Variants in ZNF541 observed in about 807,000 individuals in gnomAD.
The protein encoded by ZNF541 is zinc finger protein 541.
Under a neutral mutation model 123.5 loss-of-function variants are expected in ZNF541, and 23 were observed. That is an observed-to-expected ratio of 0.19 (90% CI 0.13 to 0.26). ZNF541 has a LOEUF of 0.26. Among genes scored for constraint, ZNF541 ranks in the 10% least tolerant of loss-of-function variants. The pLI, the probability that ZNF541 is intolerant of heterozygous loss-of-function variation, is 1.00. For synonymous variants in ZNF541, 751 were observed against 754.5 expected (o/e 1.00, Z 0.08); for missense variants, 1,612 against 1,789.9 (o/e 0.90, Z 1.79).
intron 2 of ZNF541, among the ~76,000 whole-genome samples, chr19:47,569,468 C>T (rs182737334): frequency 8.5e-5 from 13 of 152,200 alleles, no homozygotes; most frequent in East Asian, 1.9e-4. Flanking sequence ...AGTCTAATTT[C>T]GAAACCCTTA....
intron 3 of ZNF541, among the ~76,000 whole-genome samples, chr19:47,550,709 C>T (rs1970562491): frequency 6.6e-6 from 1 of 152,174 alleles, no homozygotes; most frequent in Admixed American, 6.6e-5. Flanking sequence ...TACAGTGGTG[C>T]GATCACAGCT....
upstream of ZNF541, among the ~76,000 whole-genome samples, chr19:47,573,275 G>A (rs559115740): frequency 3.3e-3 from 506 of 152,000 alleles, 3 homozygotes; most frequent in African/African-American, 0.011. Flanking sequence ...GGCCTCGCGC[G>A]TGCCTCCTGG....
At chr19:47,522,869 C>T (rs974561621) in intron 14 of ZNF541, among the ~76,000 whole-genome samples, 2 of 151,832 alleles carry the variant, frequency 1.3e-5, no homozygotes, top group African/African-American at 2.4e-5. Context: ...GCCTCAGCCT[C>T]CTGAGTAGCT....
At chr19:47,573,041 G>A (rs1305049095) in intron 1 of ZNF541, among the ~76,000 whole-genome samples, 42 bp downstream of exon 1, 1 of 151,310 alleles carries the variant, frequency 6.6e-6, no homozygotes, top group African/African-American at 2.4e-5. Context: ...TGGGGGATAA[G>A]GAGGAAAGGG....
chr19:47,548,787 C>T (rs1343280848), intron 4 of ZNF541, among the ~76,000 whole-genome samples: 1 of 152,050 alleles, frequency 6.6e-6, no homozygotes, highest in African/African-American at 2.4e-5. Flanking sequence ...GTGAGAAGAA[C>T]GGAGTGGGCT....
chr19:47,545,188 A>G lies in ZNF541; in HGVS notation c.1341T>C (p.Ser447=), dbSNP rs536686699. The change falls in exon 5 of 17, where the codon TCT becomes TCC. Residue 447 remains serine, a synonymous_variant. Coordinates refer to ENST00000391901, the MANE Select transcript of ZNF541 (RefSeq NM_001277075.3). This position sits in a 1 kb window ranked among gnomAD's most constrained non-coding sequence, Gnocchi z 7.5. ...GGCTTCCGCTGCTGGGTCCCGGGCC[A>G]GACTCGGAGCCCTCCCGCGAGGGCA... ...SAVPSREGSE[S]GPGPSSGSPS... 98 of 1,514,388 alleles carry G rather than the reference A, an allele frequency of 6.5e-5. 1 individual carries two copies. The Admixed American group carries it at 7.4e-4, about 11-fold the overall frequency. 93.8% of individuals were successfully genotyped at this position (1,514,388 alleles called of 1,614,324 possible).
intron 9 of ZNF541, 105 bp from the exon 10 acceptor site, chr19:47,533,077 C>A: frequency 9.0e-7 from 1 of 1,109,126 alleles, no homozygotes; most frequent in South Asian, 1.6e-5. Flanking sequence ...TCTTTAAGAT[C>A]CCATGGGTTG....
intron 6 of ZNF541, among the ~76,000 whole-genome samples, chr19:47,540,603 C>T (rs1239836704): frequency 2.6e-5 from 4 of 152,134 alleles, no homozygotes; most frequent in African/African-American, 4.8e-5. Flanking sequence ...ATATACGTGG[C>T]TAATTTTTAT....
In ZNF541 at chr19:47,555,808, G is replaced by A; in HGVS notation, c.49C>T (p.His17Tyr). Residue 17 changes from histidine (H) to tyrosine (Y), a missense_variant, in exon 3 of 17, where the codon CAC becomes TAC. Coordinates refer to ENST00000391901, the MANE Select transcript of ZNF541 (RefSeq NM_001277075.3). ...GDEGALPSEM[H>Y]LPSFSESQGL... ...TGGCTCTCTGAAAATGAAGGGAGGT[G>A]CATTTCTGATGGGAGGGCACCCTCG... 6.4e-7 allele frequency: 1 copy of A among 1,551,642 alleles called. No individual in the cohort carries two copies. The highest frequency in any genetic ancestry group is 1.2e-5 in the South Asian group (1 of 84,066).
intron 9 of ZNF541, among the ~76,000 whole-genome samples, chr19:47,536,896 G>A (rs920819413): frequency 1.3e-5 from 2 of 152,090 alleles, no homozygotes; most frequent in Non-Finnish European, 2.9e-5. Flanking sequence ...AAAAATGTTC[G>A]GCCATAAAAA....
chr19:47,543,222 C>T (rs1437236772), intron 5 of ZNF541, among the ~76,000 whole-genome samples: 2 of 152,186 alleles, frequency 1.3e-5, no homozygotes, highest in Non-Finnish European at 2.9e-5. Context: ...TACTCATCCT[C>T]CTGAGTAGCT....
At chr19:47,537,563 C>CAAA (rs369951057) in intron 9 of ZNF541, among the ~76,000 whole-genome samples, 2 of 56,510 alleles carry the variant, frequency 3.5e-5, no homozygotes, top group African/African-American at 6.0e-5. Context: ...TACTCTGTCT[C>CAAA]AAAAAAAAAA....
intron 9 of ZNF541, among the ~76,000 whole-genome samples, chr19:47,536,510 T>C (rs532097197): frequency 5.9e-5 from 9 of 152,278 alleles, no homozygotes; most frequent in African/African-American, 1.7e-4. Flanking sequence ...AGTGCTAGGA[T>C]TACAGGCATG....
chr19:47,545,523 C>A lies in ZNF541; in HGVS notation c.1006G>T (p.Glu336Ter). 6.6e-7 allele frequency: 1 copy of A among 1,513,532 alleles called. No individual in the cohort carries two copies. Among genetic ancestry groups the A allele is most frequent in the Non-Finnish European group, 8.9e-7 (1 of 1,126,728 alleles). 93.8% of individuals were successfully genotyped at this position (1,513,532 alleles called of 1,614,324 possible). ...TCTTTCTGTGGGAGGCAAGGCTCCT[C>A]GGGAAGCTCGGTGTCCAGCGCTGCT... Reference protein sequence around the residue: ...APAALDTELPEEPCLPQKEPA... With the variant: ...APAALDTELP Residue 336 changes from glutamate to a stop codon, truncating the protein, a stop_gained, in exon 5 of 17, where the codon GAG (glutamate) becomes TAG (stop). Transcript: ENST00000391901. LOFTEE classifies it high-confidence loss of function. This position sits in a 1 kb window ranked among gnomAD's most constrained non-coding sequence, Gnocchi z 7.5.
chr19:47,535,291 C>T (rs1438270091), intron 9 of ZNF541, among the ~76,000 whole-genome samples: 1 of 152,206 alleles, frequency 6.6e-6, no homozygotes, highest in African/African-American at 2.4e-5. Flanking sequence ...AAGAGTGACT[C>T]TGCATGACTT....
chr19:47,568,065 A>G (rs1458592833), intron 2 of ZNF541, among the ~76,000 whole-genome samples: 1 of 152,196 alleles, frequency 6.6e-6, no homozygotes, highest in Non-Finnish European at 1.5e-5. Context: ...AACTTCTCAC[A>G]GTATCTTGCC....
chr19:47,529,564 C>T lies in ZNF541; in HGVS notation c.3481+13G>A, dbSNP rs186081003. On this transcript the variant is annotated intron_variant, in intron 13 of 16. Transcript: ENST00000391901. ...AGCTGGGCCAAACCAGCTCAGCAGC[C>T]TTTCCCCGTCACCTGTGTAGCGATA... 842 of 1,551,606 alleles carry T rather than the reference C, an allele frequency of 5.4e-4. 1 individual carries two copies. Among genetic ancestry groups the T allele is most frequent in the Non-Finnish European group, 6.8e-4 (785 of 1,146,924 alleles).
intron 1 of ZNF541, among the ~76,000 whole-genome samples, 39 bp from the exon 2 acceptor site, chr19:47,572,081 T>G (rs1971494988): frequency 6.6e-6 from 1 of 152,158 alleles, no homozygotes; most frequent in South Asian, 2.1e-4. Context: ...CAGTCAGGAC[T>G]TGGGTCCCAA....
chr19:47,545,442 G>A lies in ZNF541; in HGVS notation c.1087C>T (p.Pro363Ser), dbSNP rs1346810459. The A allele has an allele frequency of 2.7e-6, 4 of 1,476,512 alleles. No individual in the cohort carries two copies. Among genetic ancestry groups the A allele is most frequent in the Non-Finnish European group, 3.6e-6 (4 of 1,111,236 alleles). The allele number at this position is 1,476,512 out of a possible 1,614,324, so 91.5% of individuals were successfully genotyped here. ...PNSRAAENGA[P>S]DPPEPEPDTA... ...TCTGGCTCCGGCTCTGGCGGGTCGG[G>A]GGCGCCGTTCTCGGCGGCCCTGGAA... Residue 363 changes from proline (P) to serine (S), a missense_variant, in exon 5 of 17, where the codon CCC becomes TCC. Pro to Ser is a moderately conservative substitution (Grantham distance 74). Around this residue, in one of 5 missense-constraint regions of ZNF541, gnomAD observed 1,080 missense variants for 1,013.8 expected, o/e 1.07. Coordinates refer to ENST00000391901, the MANE Select transcript of ZNF541 (RefSeq NM_001277075.3). The surrounding 1 kb of genome is among the most constrained non-coding windows in gnomAD (Gnocchi z 7.5).
Sources: gnomAD v4.1 joint callset for allele counts (sites outside exome capture counted in the v4.1 genomes callset) on GRCh38, gnomAD v4.1.1 for gene constraint, gnomAD v4.1.1 regional missense constraint, Gnocchi (gnomAD v3.1) non-coding constraint, MANE v1.5 for transcripts, NCBI Gene and HGNC (gene_info 2026-07-23, HGNC 2026-07-21) for gene names.